Variants in CCDC148 observed in about 807,000 individuals in gnomAD.
The protein encoded by CCDC148 is coiled-coil domain-containing protein 148.
CCDC148 carries 89 observed loss-of-function variants against 85.7 expected under a neutral mutation model. That is an observed-to-expected ratio of 1.04 (90% CI 0.87 to 1.24). CCDC148 has a LOEUF of 1.24. Ranked by LOEUF, CCDC148 falls within the 50% of genes most tolerant of loss-of-function variation. The pLI, the probability that CCDC148 is intolerant of heterozygous loss-of-function variation, is 0.00. For synonymous variants in CCDC148, 230 were observed against 213.9 expected, an observed-to-expected ratio of 1.08 and a Z score of -0.66; for missense variants, 692 against 671.7, an observed-to-expected ratio of 1.03 and a Z score of -0.33.
intron 10 of CCDC148, among the ~76,000 whole-genome samples, chr2:158,226,755 G>A (rs1435916509): frequency 5.3e-5 from 8 of 151,834 alleles, no homozygotes; most frequent in Non-Finnish European, 1.0e-4. Flanking sequence ...AAATTCAACA[G>A]CCCTTCATGC....
At chr2:158,225,715 T>A (rs1687476136) in intron 10 of CCDC148, among the ~76,000 whole-genome samples, 1 of 152,222 alleles carries the variant, frequency 6.6e-6, no homozygotes, top group South Asian at 2.1e-4. Context: ...ACTGGGTACA[T>A]AATGAAATGA....
intron 1 of CCDC148, among the ~76,000 whole-genome samples, chr2:158,450,238 C>A (rs1688351527): frequency 6.6e-6 from 1 of 152,150 alleles, no homozygotes; most frequent in Admixed American, 6.5e-5. Context: ...TTCTTTCTAC[C>A]TCTACGAAGC....
chr2:158,229,745 C>G (rs1185678946), intron 10 of CCDC148, among the ~76,000 whole-genome samples: 4 of 152,164 alleles, frequency 2.6e-5, no homozygotes, highest in Admixed American at 2.6e-4. Context: ...CCCTCCTCAT[C>G]TGTCCCCTCC....
chr2:158,343,112 T>C (rs1682811883), intron 3 of CCDC148, among the ~76,000 whole-genome samples: 1 of 152,130 alleles, frequency 6.6e-6, no homozygotes, highest in Non-Finnish European at 1.5e-5. Context: ...CTTGAACGCC[T>C]AGGCTGAAGT....
At chr2:158,320,133 G>C (rs900740389) in intron 7 of CCDC148, among the ~76,000 whole-genome samples, 1 of 152,014 alleles carries the variant, frequency 6.6e-6, no homozygotes, top group Admixed American at 6.6e-5. Flanking sequence ...AATAAAATTG[G>C]CCTACTTCTT....
intron 10 of CCDC148, among the ~76,000 whole-genome samples, chr2:158,224,627 G>C (rs919485438): frequency 1.3e-5 from 2 of 151,744 alleles, no homozygotes; most frequent in Admixed American, 1.3e-4. Flanking sequence ...TCTCAAGCCA[G>C]AAGAGAGTAG....
chr2:158,435,335 A>C lies in CCDC148; in HGVS notation c.25+21080T>G, dbSNP rs559949743. On this transcript the variant is annotated intron_variant, in intron 1 of 13. Coordinates refer to ENST00000283233, the MANE Select transcript of CCDC148 (RefSeq NM_138803.4). ...GGGGGCCAATACTCCACATTCTTAA[A>C]GAAAAGAATTTTCAACCCAGAATTT... Among the ~76,000 whole-genome samples the C allele has an allele frequency of 6.6e-5, 10 of 152,354 alleles. No individual in the cohort carries two copies. The East Asian group carries it at 1.9e-3, about 29-fold the overall frequency.
At chr2:158,230,683 C>G (rs887184954) in intron 10 of CCDC148, among the ~76,000 whole-genome samples, 1 of 151,984 alleles carries the variant, frequency 6.6e-6, no homozygotes, top group African/African-American at 2.4e-5. Flanking sequence ...AAAGAGAGCT[C>G]TCGATATGAA....
intron 1 of CCDC148, among the ~76,000 whole-genome samples, chr2:158,455,560 C>T (rs960648606): frequency 2.6e-5 from 4 of 152,154 alleles, no homozygotes; most frequent in African/African-American, 9.7e-5. Context: ...TTTCTCCCAA[C>T]AAAATATTTG....
At chr2:158,195,025 A>G (rs1179626026) in intron 11 of CCDC148, among the ~76,000 whole-genome samples, 2 of 151,598 alleles carry the variant, frequency 1.3e-5, no homozygotes, top group Non-Finnish European at 1.5e-5. Context: ...GCTGGGATCA[A>G]TTCACTCCAT....
chr2:158,234,100 T>C (rs756671799), intron 10 of CCDC148, among the ~76,000 whole-genome samples: 2 of 151,746 alleles, frequency 1.3e-5, no homozygotes, highest in African/African-American at 4.8e-5. Context: ...CACTTGAACC[T>C]GGGAGACAGA....
At chr2:158,340,057 AC>A (rs1339195257) in intron 5 of CCDC148, among the ~76,000 whole-genome samples, 184 bp downstream of exon 5, 1 of 152,176 alleles carries the variant, frequency 6.6e-6, no homozygotes, top group Non-Finnish European at 1.5e-5. Context: ...AGGGTGCTCG[AC>A]AGAGTTCAGG....
rs1687133599 is a variant in CCDC148, at chr2:158,220,714, C to T, written c.1252-1G>A. ...TTTTCTTGGCCCAGTATTTTTTTAT[C>T]TATTGTATAAATGTTACATAAAATT... On this transcript the variant is annotated splice_acceptor_variant, in intron 10 of 13. Transcript: ENST00000283233. LOFTEE classifies it high-confidence loss of function. The T allele has an allele frequency of 3.2e-6, 5 of 1,566,054 alleles. No homozygotes were observed. The highest frequency in any genetic ancestry group is 4.3e-6 in the Non-Finnish European group (5 of 1,158,520).
chr2:158,338,600 T>C (rs1682507281), intron 7 of CCDC148, 126 bp downstream of exon 7: 1 of 689,808 alleles, frequency 1.4e-6, no homozygotes, highest in Admixed American at 3.5e-5. Flanking sequence ...ATAGTCAGTC[T>C]AAACATTTAT....
At chr2:158,381,660 G>T (rs185129291) in intron 1 of CCDC148, among the ~76,000 whole-genome samples, 4 of 152,024 alleles carry the variant, frequency 2.6e-5, no homozygotes, top group African/African-American at 9.7e-5. Flanking sequence ...TCATAGCAGC[G>T]CTATCTCCAG....
intron 1 of CCDC148, among the ~76,000 whole-genome samples, chr2:158,372,610 T>G (rs952400706): frequency 6.6e-6 from 1 of 152,012 alleles, no homozygotes; most frequent in African/African-American, 2.4e-5. Flanking sequence ...CTTTTACGCC[T>G]AACCTCTCTG....
chr2:158,253,234 T>A (rs1281101622), intron 9 of CCDC148, among the ~76,000 whole-genome samples: 1 of 151,772 alleles, frequency 6.6e-6, no homozygotes, highest in African/African-American at 2.4e-5. Flanking sequence ...TTCAAAAGGA[T>A]GATGTCAACT....
intron 10 of CCDC148, among the ~76,000 whole-genome samples, chr2:158,231,521 A>C (rs369058400): frequency 2.0e-4 from 30 of 152,066 alleles, no homozygotes; most frequent in African/African-American, 6.8e-4. Flanking sequence ...GCCTTGCCTT[A>C]TTGCTTGGTA....
chr2:158,360,603 T>A lies in CCDC148; in HGVS notation c.26-2033A>T, dbSNP rs181811526. 9.9e-5 allele frequency among the ~76,000 whole-genome samples: 15 copies of A among 152,156 alleles called. No homozygotes were observed. The East Asian group carries it at 2.7e-3, about 27-fold the overall frequency. ...GGGGCCTGACTGTTAGAAGGAAAAC[T>A]AACAAACAGAAAGGAATAGCATCAA... On this transcript the variant is annotated intron_variant, in intron 1 of 13. Transcript: ENST00000283233.
Sources: gnomAD v4.1 joint callset for allele counts (sites outside exome capture counted in the v4.1 genomes callset) on GRCh38, gnomAD v4.1.1 for gene constraint, MANE v1.5 for transcripts, NCBI Gene and HGNC (gene_info 2026-07-23, HGNC 2026-07-21) for gene names.